The following AIG1 variants were observed in gnomAD, a reference collection of about 807,000 sequenced individuals.
The protein encoded by AIG1 is androgen-induced gene 1 protein.
A neutral mutation model predicts 31.4 loss-of-function variants in AIG1; 23 were observed. That is an observed-to-expected ratio of 0.73 (90% CI 0.53 to 1.04). The LOEUF (loss-of-function observed/expected upper bound fraction) is 1.04. AIG1 is among the 50% of genes least tolerant of loss of function. The pLI, the probability that AIG1 is intolerant of heterozygous loss-of-function variation, is 0.00. For synonymous variants in AIG1, 100 were observed against 110.5 expected (o/e 0.90, Z 0.60); for missense variants, 274 against 295.0 (o/e 0.93, Z 0.52).
chr6:143,137,175 A>G lies in AIG1; in HGVS notation c.297+185A>G, dbSNP rs9373374. On this transcript the variant is annotated intron_variant, in intron 2 of 5. Coordinates refer to ENST00000357847, the MANE Select transcript of AIG1 (RefSeq NM_016108.4). The stretch of plus-strand genomic sequence containing the variant: ...ATTTTCTCGTAGTTCTGGAGGCTGA[A>G]GTCTGAGATGCAGTTGTCCACAGGG... Among the ~76,000 whole-genome samples, 450 of 152,312 alleles carry G rather than the reference A, an allele frequency of 3.0e-3. 14 individuals are homozygous for G. The East Asian group carries it at 0.054, about 18-fold the overall frequency.
At chr6:143,197,220 CTT>C (rs1790317186) in intron 3 of AIG1, among the ~76,000 whole-genome samples, 1 of 151,002 alleles carries the variant, frequency 6.6e-6, no homozygotes, top group African/African-American at 2.4e-5. Context: ...AGGCTTTACT[CTT>C]TTTCTAACTA....
intron 3 of AIG1, among the ~76,000 whole-genome samples, chr6:143,198,593 G>A (rs1790446298): frequency 6.6e-6 from 1 of 152,220 alleles, no homozygotes; most frequent in Admixed American, 6.5e-5. Flanking sequence ...TGGCAGGCCA[G>A]TTCTTCCTCA....
chr6:143,307,725 T>G (rs1799440626), intron 4 of AIG1, among the ~76,000 whole-genome samples: 1 of 152,200 alleles, frequency 6.6e-6, no homozygotes, highest in Non-Finnish European at 1.5e-5. Context: ...CACTGCTCTC[T>G]TCAAAGCTGT....
At position 143,340,739 on chromosome 6, in the gene AIG1, G is replaced by A. The variant is rs1273098035; in HGVS notation, c.*1063G>A. 6.6e-6 allele frequency among the ~76,000 whole-genome samples: 1 copy of A among 152,050 alleles called. No homozygotes were observed. Among genetic ancestry groups the A allele is most frequent in the Non-Finnish European group, 1.5e-5 (1 of 68,018 alleles). On this transcript the variant is annotated 3_prime_UTR_variant, in exon 6 of 6. Transcript: ENST00000357847. ...GGCCTCCCAAAGTGCTGGGATTACA[G>A]ACATGAACCACCGCGCCCAGCCACA...
chr6:143,124,797 T>C (rs547088004), intron 1 of AIG1, among the ~76,000 whole-genome samples: 1 of 152,082 alleles, frequency 6.6e-6, no homozygotes, highest in Non-Finnish European at 1.5e-5. Context: ...CAGATGCTTA[T>C]AAAACCATCA....
intron 3 of AIG1, among the ~76,000 whole-genome samples, chr6:143,222,644 G>A (rs1792620327): frequency 6.6e-6 from 1 of 152,222 alleles, no homozygotes; most frequent in African/African-American, 2.4e-5. Flanking sequence ...TTTCTTTATA[G>A]AAGGACAATA....
chr6:143,297,509 G>C lies in AIG1; in HGVS notation c.515+13284G>C, dbSNP rs941617675. ...GGTTTCTTGGGTGGTTGGATGGATGGTTGGGTGGTTGGATGGATGGTTGGG... is the reference window on the plus strand; with the variant it reads ...GGTTTCTTGGGTGGTTGGATGGATGCTTGGGTGGTTGGATGGATGGTTGGG... On this transcript the variant is annotated intron_variant, in intron 4 of 5. Coordinates refer to ENST00000357847, the MANE Select transcript of AIG1 (RefSeq NM_016108.4). This position sits in a 1 kb window ranked among gnomAD's most constrained non-coding sequence, Gnocchi z 5.1. Among the ~76,000 whole-genome samples the C allele has an allele frequency of 0.015, 699 of 48,138 alleles. 3 individuals carry two copies. The highest frequency in any genetic ancestry group is 0.044 in the African/African-American group (668 of 15,346). The allele number at this position is 48,138 out of a possible 152,430, so 31.6% of individuals were successfully genotyped here.
chr6:143,090,366 A>G (rs536588804), intron 1 of AIG1, among the ~76,000 whole-genome samples: 8 of 152,206 alleles, frequency 5.3e-5, no homozygotes, highest in Non-Finnish European at 1.2e-4. Context: ...CTGTATATAT[A>G]AAAAGATAAG....
At chr6:143,222,118 A>G (rs1792567584) in intron 3 of AIG1, among the ~76,000 whole-genome samples, 1 of 152,132 alleles carries the variant, frequency 6.6e-6, no homozygotes, top group Non-Finnish European at 1.5e-5. Context: ...CCTCATGTGA[A>G]CCTTCCTTGA....
intron 4 of AIG1, among the ~76,000 whole-genome samples, chr6:143,295,569 T>C (rs957402454): frequency 5.3e-5 from 8 of 152,118 alleles, no homozygotes; most frequent in African/African-American, 1.9e-4. Context: ...GCTTTCACTT[T>C]CTTTGTGCCA....
intron 3 of AIG1, among the ~76,000 whole-genome samples, chr6:143,176,458 C>T (rs1296016625): frequency 6.6e-6 from 1 of 152,074 alleles, no homozygotes; most frequent in Non-Finnish European, 1.5e-5. Context: ...TAGAGAAAGA[C>T]TATCAGGCTG....
chr6:143,240,413 A>T (rs1057100116), intron 3 of AIG1, among the ~76,000 whole-genome samples: 9 of 152,224 alleles, frequency 5.9e-5, no homozygotes. Flanking sequence ...TACATGTGGC[A>T]AGTCTATTGA....
Position 143,136,731 on chromosome 6 carries a change from C to G in AIG1, c.142-104C>G. On this transcript the variant is annotated intron_variant, in intron 1 of 5. Coordinates refer to ENST00000357847, the MANE Select transcript of AIG1 (RefSeq NM_016108.4). Reference sequence around the variant, plus strand: ...CAGCTCTTTAAAATATGCTTCTGATCCTTTCTTATTAGATGTCATGTTGTA... The same window carrying G: ...CAGCTCTTTAAAATATGCTTCTGATGCTTTCTTATTAGATGTCATGTTGTA... 4.6e-6 allele frequency: 5 copies of G among 1,079,174 alleles called. No homozygotes were observed. The Admixed American group carries it at 1.2e-4, about 27-fold the overall frequency. 66.8% of individuals were successfully genotyped at this position (1,079,174 alleles called of 1,614,324 possible).
chr6:143,199,369 G>A (rs996444641), intron 3 of AIG1, among the ~76,000 whole-genome samples: 3 of 151,980 alleles, frequency 2.0e-5, no homozygotes, highest in Non-Finnish European at 4.4e-5. Flanking sequence ...AAAGATGGGG[G>A]GGTGATGAAT....
intron 3 of AIG1, among the ~76,000 whole-genome samples, chr6:143,250,318 A>C (rs1046295875): frequency 6.6e-6 from 1 of 152,216 alleles, no homozygotes; most frequent in Admixed American, 6.5e-5. Context: ...AAATGTTTTC[A>C]TGCCACTTAC....
intron 3 of AIG1, among the ~76,000 whole-genome samples, chr6:143,251,626 G>A (rs1666306103): frequency 6.6e-6 from 1 of 152,130 alleles, no homozygotes; most frequent in Non-Finnish European, 1.5e-5. Flanking sequence ...CCTATTTGCT[G>A]AATGAATAAA....
intron 4 of AIG1, among the ~76,000 whole-genome samples, chr6:143,294,748 A>C (rs566395753): frequency 3.3e-4 from 50 of 150,562 alleles, no homozygotes; most frequent in African/African-American, 1.2e-3. Flanking sequence ...ACTAAAACAA[A>C]CCCCCCCTCT....
chr6:143,270,637 C>T (rs1796449267), intron 3 of AIG1, among the ~76,000 whole-genome samples: 1 of 152,178 alleles, frequency 6.6e-6, no homozygotes, highest in African/African-American at 2.4e-5. Flanking sequence ...TGCCTTATGT[C>T]ATGGAATCAT....
In AIG1 at chr6:143,254,442, C is replaced by T. The variant is rs553929822; in HGVS notation, c.400-29668C>T. On this transcript the variant is annotated intron_variant, in intron 3 of 5. Transcript: ENST00000357847. ...TGGACACTTGAACAGTTAGATCCCA[C>T]CGCGAGGCAAAGTCCTAGACATCCT... 8.7e-4 allele frequency among the ~76,000 whole-genome samples: 132 copies of T among 152,298 alleles called. 1 individual carries two copies. Among genetic ancestry groups the T allele is most frequent in the African/African-American group, 3.2e-3 (131 of 41,538 alleles).
Sources: allele counts gnomAD v4.1 joint callset (sites outside exome capture counted in the v4.1 genomes callset), GRCh38; gene constraint gnomAD v4.1.1; non-coding constraint Gnocchi (gnomAD v3.1); transcripts MANE v1.5; gene names NCBI Gene and HGNC (gene_info 2026-07-23, HGNC 2026-07-21).